The following SLC25A17 variants were observed in gnomAD, a reference collection of about 807,000 sequenced individuals.
The protein encoded by SLC25A17 is peroxisomal membrane protein PMP34.
A neutral mutation model predicts 38.5 loss-of-function variants in SLC25A17; 26 were observed. That is an observed-to-expected ratio of 0.68 (90% CI 0.50 to 0.94). The LOEUF is 0.94. Among genes scored for constraint, SLC25A17 ranks in the 40% least tolerant of loss-of-function variants. SLC25A17 has a pLI of 0.00. For synonymous variants in SLC25A17, 139 were observed against 136.2 expected (o/e 1.02, Z -0.14); for missense variants, 333 against 372.7 (o/e 0.89, Z 0.88).
At chr22:40,808,154 C>T (rs951279349) in intron 1 of SLC25A17, among the ~76,000 whole-genome samples, 3 of 152,114 alleles carry the variant, frequency 2.0e-5, no homozygotes, top group African/African-American at 4.8e-5. Context: ...GGAGTTCTAA[C>T]GCTGACAGCA....
At chr22:40,816,644 C>T (rs1306055196) in intron 1 of SLC25A17, among the ~76,000 whole-genome samples, 1 of 136,942 alleles carries the variant, frequency 7.3e-6, no homozygotes, top group African/African-American at 2.8e-5. Flanking sequence ...GAGTCTTGCT[C>T]TTGTCACCCA....
At chr22:40,785,642 T>C (rs1188234790) in intron 4 of SLC25A17, among the ~76,000 whole-genome samples, 1 of 152,132 alleles carries the variant, frequency 6.6e-6, no homozygotes, top group East Asian at 1.9e-4. Flanking sequence ...GGACTTTGGC[T>C]TTTCCTCTGA....
At chr22:40,804,219 TC>T (rs563447120) in intron 1 of SLC25A17, among the ~76,000 whole-genome samples, 2 of 152,100 alleles carry the variant, frequency 1.3e-5, no homozygotes, top group Non-Finnish European at 2.9e-5. Flanking sequence ...AGGGAAGATT[TC>T]AGGGCCTCAG....
chr22:40,786,073 G>A (rs1328482425), intron 4 of SLC25A17, among the ~76,000 whole-genome samples: 1 of 152,210 alleles, frequency 6.6e-6, no homozygotes, highest in Non-Finnish European at 1.5e-5. Context: ...CACTTTGGGA[G>A]GCCAAGGCAG....
At chr22:40,792,423 C>A in intron 4 of SLC25A17, 102 bp downstream of exon 4, 2 of 899,650 alleles carry the variant, frequency 2.2e-6, no homozygotes, top group Non-Finnish European at 3.2e-6. Context: ...GGAAAACTGG[C>A]TATATTCTTT....
intron 4 of SLC25A17, among the ~76,000 whole-genome samples, chr22:40,783,020 G>A (rs1802520239): frequency 6.6e-6 from 1 of 152,082 alleles, no homozygotes. Flanking sequence ...CATTTCTACA[G>A]TGATTATAAT....
intron 1 of SLC25A17, among the ~76,000 whole-genome samples, chr22:40,801,775 C>G (rs2057486491): frequency 6.6e-6 from 1 of 152,074 alleles, no homozygotes; most frequent in African/African-American, 2.4e-5. Context: ...TTTTCTATCG[C>G]ATGGTACTGC....
intron 2 of SLC25A17, among the ~76,000 whole-genome samples, chr22:40,796,194 A>G (rs2145681488): frequency 6.6e-6 from 1 of 152,360 alleles, no homozygotes; most frequent in Non-Finnish European, 1.5e-5. Context: ...ATTCTCACTG[A>G]AAACAAAACT....
At chr22:40,807,013 C>T (rs944415016) in intron 1 of SLC25A17, among the ~76,000 whole-genome samples, 2 of 152,138 alleles carry the variant, frequency 1.3e-5, no homozygotes, top group South Asian at 2.1e-4. Context: ...CCACCATGCC[C>T]GGCCATGGCT....
chr22:40,805,266 C>G (rs981572185), intron 1 of SLC25A17, among the ~76,000 whole-genome samples: 2 of 152,194 alleles, frequency 1.3e-5, no homozygotes, highest in African/African-American at 4.8e-5. Flanking sequence ...ACCTGGGAGG[C>G]AGGAGAATCG....
intron 4 of SLC25A17, among the ~76,000 whole-genome samples, chr22:40,783,658 T>G (rs546807753): frequency 1.3e-5 from 2 of 152,076 alleles, no homozygotes; most frequent in African/African-American, 4.8e-5. Context: ...TTAAAATATG[T>G]AGAGACAGCT....
At chr22:40,786,646 C>T (rs1167916638) in intron 4 of SLC25A17, among the ~76,000 whole-genome samples, 3 of 152,214 alleles carry the variant, frequency 2.0e-5, no homozygotes, top group African/African-American at 7.2e-5. Context: ...AGTATAGATA[C>T]AACTACCCTC....
At chr22:40,778,320 G>C (rs1054812096) in intron 5 of SLC25A17, among the ~76,000 whole-genome samples, 1 of 152,106 alleles carries the variant, frequency 6.6e-6, no homozygotes, top group Non-Finnish European at 1.5e-5. Context: ...TTGGCCACTG[G>C]GATGTCAGCA....
intron 4 of SLC25A17, among the ~76,000 whole-genome samples, chr22:40,791,657 A>T (rs1165513516): frequency 1.3e-5 from 2 of 152,230 alleles, no homozygotes; most frequent in Non-Finnish European, 2.9e-5. Flanking sequence ...CAGCATCACT[A>T]ATCATCAGAG....
chr22:40,805,484 G>A lies in SLC25A17; in HGVS notation c.55-6401C>T, dbSNP rs190280752. Among the ~76,000 whole-genome samples, 90 of 152,352 alleles carry A rather than the reference G, an allele frequency of 5.9e-4. 1 individual carries two copies. The highest frequency in any genetic ancestry group is 2.1e-3 in the African/African-American group (87 of 41,584). The stretch of plus-strand genomic sequence containing the variant: ...TAGCCAAGGAATGTGGCAGCCTCTA[G>A]AAGCTGGAAAAGGCAAGGAAATGGA... On this transcript the variant is annotated intron_variant, in intron 1 of 8. Transcript: ENST00000435456.
chr22:40,799,043 G>C lies in SLC25A17; in HGVS notation c.95C>G (p.Thr32Arg), dbSNP rs1435170867. Residue 32 changes from threonine to arginine, a missense_variant, in exon 2 of 9, where the codon ACA becomes AGA. By Grantham distance (71) the Thr-to-Arg change is moderately conservative. Coordinates refer to ENST00000435456, the MANE Select transcript of SLC25A17 (RefSeq NM_006358.4). ...CTTACCCTGAAGTCGAAGTCTAGCT[G>C]TATCCAGGGGAAAAAACACTGTCAT... ...TAMTVFFPLD[T>R]ARLRLQVDEK... 1 of 1,612,974 alleles carries C rather than the reference G, an allele frequency of 6.2e-7. No homozygotes were observed. Among genetic ancestry groups the C allele is most frequent in the Non-Finnish European group, 8.5e-7 (1 of 1,179,132 alleles).
rs1434364234 is a variant in SLC25A17 at position 40,819,336 on chromosome 22, G to T, written c.-88C>A. On this transcript the variant is annotated 5_prime_UTR_variant, in exon 1 of 9. Coordinates refer to ENST00000435456, the MANE Select transcript of SLC25A17 (RefSeq NM_006358.4). ...GGAAAGGAGCACCGGAGCTCAGGGT[G>T]TGAGAGTCGCAATCCCCGCCCTCTC... The T allele has an allele frequency of 8.8e-6, 12 of 1,370,614 alleles. No individual in the cohort carries two copies. The Admixed American group carries it at 1.6e-4, about 19-fold the overall frequency. 84.9% of individuals were successfully genotyped at this position (1,370,614 alleles called of 1,614,324 possible). A position where few individuals can be genotyped will look rare whatever the true frequency, so the allele number is the denominator to read the frequency against.
chr22:40,814,541 GCCT>G (rs1294225257), intron 1 of SLC25A17, among the ~76,000 whole-genome samples: 1 of 112,530 alleles, frequency 8.9e-6, no homozygotes, highest in African/African-American at 3.0e-5. Context: ...AATAAAAATT[GCCT>G]CCTTGAGAAC....
chr22:40,783,249 T>C lies in SLC25A17; in HGVS notation c.335-4124A>G, dbSNP rs897211653. On this transcript the variant is annotated intron_variant, in intron 4 of 8. Coordinates refer to ENST00000435456, the MANE Select transcript of SLC25A17 (RefSeq NM_006358.4). ...AGTCTCCCAACTGTGACAGTACTAA[T>C]ATTTTGGGGTGGAAAATTATTTGTT... Among the ~76,000 whole-genome samples the C allele has an allele frequency of 5.9e-5, 9 of 152,302 alleles. No homozygotes were observed. The East Asian group carries it at 1.7e-3, about 29-fold the overall frequency.
Sources: gnomAD v4.1 joint callset for allele counts (sites outside exome capture counted in the v4.1 genomes callset) on GRCh38, gnomAD v4.1.1 for gene constraint, MANE v1.5 for transcripts, NCBI Gene and HGNC (gene_info 2026-07-23, HGNC 2026-07-21) for gene names.